The following ZSWIM6 variants were observed in gnomAD, a reference collection of about 807,000 sequenced individuals.
ZSWIM6 encodes the protein zinc finger SWIM domain-containing protein 6.
A neutral mutation model predicts 113.2 loss-of-function variants in ZSWIM6; 9 were observed. That is an observed-to-expected ratio of 0.08 (90% CI 0.05 to 0.14). ZSWIM6 has a LOEUF of 0.14. ZSWIM6 is among the 10% of genes least tolerant of loss of function. The pLI, the probability that ZSWIM6 is intolerant of heterozygous loss-of-function variation, is 1.00. For missense variants in ZSWIM6, 1,162 were observed against 1,552.2 expected (o/e 0.75, Z 4.22); for synonymous variants, 611 against 606.5 (o/e 1.01, Z -0.11).
intron 1 of ZSWIM6, among the ~76,000 whole-genome samples, chr5:61,426,997 C>CT: frequency 6.6e-6 from 1 of 152,070 alleles, no homozygotes; most frequent in Non-Finnish European, 1.5e-5. Context: ...TGTAGTTACT[C>CT]TTTTTTCTCT....
At chr5:61,421,426 G>T (rs1402347404) in intron 1 of ZSWIM6, among the ~76,000 whole-genome samples, 1 of 152,128 alleles carries the variant, frequency 6.6e-6, no homozygotes, top group Non-Finnish European at 1.5e-5. Flanking sequence ...TCATGTTGTT[G>T]CACATGATAG....
chr5:61,493,449 G>A (rs1405706432), intron 3 of ZSWIM6, among the ~76,000 whole-genome samples: 1 of 152,066 alleles, frequency 6.6e-6, no homozygotes, highest in African/African-American at 2.4e-5. Context: ...TCTCAACAAA[G>A]CTGTTCCTAA....
At chr5:61,377,947 TA>T (rs1430317508) in intron 1 of ZSWIM6, among the ~76,000 whole-genome samples, 1 of 152,170 alleles carries the variant, frequency 6.6e-6, no homozygotes, top group African/African-American at 2.4e-5. Context: ...AAATGAAAAT[TA>T]AAACTACACC....
At chr5:61,515,913 C>T (rs902385623) in intron 4 of ZSWIM6, among the ~76,000 whole-genome samples, 1 of 152,026 alleles carries the variant, frequency 6.6e-6, no homozygotes, top group African/African-American at 2.4e-5. Context: ...TGTAATGCCC[C>T]TCTTTATACC....
chr5:61,382,498 T>G (rs944843257), intron 1 of ZSWIM6, among the ~76,000 whole-genome samples: 2 of 152,170 alleles, frequency 1.3e-5, no homozygotes, highest in Non-Finnish European at 2.9e-5. Context: ...TCGTGATGCC[T>G]TATGTGTAGA....
At chr5:61,381,596 A>G (rs1341984115) in intron 1 of ZSWIM6, among the ~76,000 whole-genome samples, 2 of 152,180 alleles carry the variant, frequency 1.3e-5, no homozygotes, top group African/African-American at 4.8e-5. Flanking sequence ...GCAGTTGTCC[A>G]TAGTTTTTTT....
chr5:61,394,546 G>A (rs1486474000), intron 1 of ZSWIM6, among the ~76,000 whole-genome samples: 2 of 152,212 alleles, frequency 1.3e-5, no homozygotes, highest in Admixed American at 6.5e-5. Context: ...GGGGCTCACT[G>A]GGTGGAAAGT....
chr5:61,488,699 C>T (rs1161597845), intron 2 of ZSWIM6, among the ~76,000 whole-genome samples: 1 of 151,706 alleles, frequency 6.6e-6, no homozygotes, highest in Non-Finnish European at 1.5e-5. Flanking sequence ...TCTTCTCTCT[C>T]CTTTTCTTGG....
chr5:61,434,486 C>T (rs1746660264), intron 1 of ZSWIM6, among the ~76,000 whole-genome samples: 1 of 150,694 alleles, frequency 6.6e-6, no homozygotes, highest in African/African-American at 2.4e-5. Flanking sequence ...TCCCTTATAT[C>T]ATTCTTATGC....
chr5:61,386,145 C>T (rs766923342), intron 1 of ZSWIM6, among the ~76,000 whole-genome samples: 1 of 152,224 alleles, frequency 6.6e-6, no homozygotes, highest in Non-Finnish European at 1.5e-5. Flanking sequence ...TGCATACATT[C>T]CAAATTGATG....
chr5:61,379,049 T>C (rs1745426842), intron 1 of ZSWIM6, among the ~76,000 whole-genome samples: 1 of 151,532 alleles, frequency 6.6e-6, no homozygotes. Flanking sequence ...GGTGTCGTGG[T>C]GCGTGCCTAT....
At chr5:61,417,886 A>G (rs1013609637) in intron 1 of ZSWIM6, among the ~76,000 whole-genome samples, 1 of 152,232 alleles carries the variant, frequency 6.6e-6, no homozygotes, top group African/African-American at 2.4e-5. Flanking sequence ...AAGCTTCAAG[A>G]AAGACCTTGA....
intron 4 of ZSWIM6, among the ~76,000 whole-genome samples, chr5:61,519,932 A>G (rs527346466): frequency 1.3e-5 from 2 of 152,212 alleles, no homozygotes; most frequent in East Asian, 1.9e-4. Context: ...GCATTTCACA[A>G]TAGTATTTGT....
At position 61,413,846 on chromosome 5, in the gene ZSWIM6, C is replaced by T. The variant is rs1473271965; in HGVS notation, c.677-58835C>T. ...CTTTTGAGAAGTATCTGTTCATATC[C>T]TTTGCCCACTTTTTGATGGGGTTGT... On this transcript the variant is annotated intron_variant, in intron 1 of 13. Coordinates refer to ENST00000252744, the MANE Select transcript of ZSWIM6 (RefSeq NM_020928.2). 2.7e-5 allele frequency among the ~76,000 whole-genome samples: 4 copies of T among 149,954 alleles called. No individual in the cohort carries two copies. In the East Asian group the frequency reaches 5.9e-4, roughly 22 times the overall value.
rs372137249 is a variant in ZSWIM6 at position 61,517,334 on chromosome 5, T to G, written c.1334-3929T>G. ...ATTTATGCCTAGTTGTTTTTCTCTC[T>G]TTTCTTCAGTTGAGATCATTTCTAG... On this transcript the variant is annotated intron_variant, in intron 4 of 13. Transcript: ENST00000252744. 1.2e-4 allele frequency among the ~76,000 whole-genome samples: 19 copies of G among 152,286 alleles called. No individual in the cohort carries two copies. In the East Asian group the frequency reaches 3.3e-3, roughly 26 times the overall value.
chr5:61,430,086 T>C (rs1418511813), intron 1 of ZSWIM6, among the ~76,000 whole-genome samples: 1 of 152,100 alleles, frequency 6.6e-6, no homozygotes, highest in Non-Finnish European at 1.5e-5. Context: ...AAAGGAGGCC[T>C]TTGTGGTTTG....
intron 4 of ZSWIM6, among the ~76,000 whole-genome samples, chr5:61,513,766 G>A (rs968723549): frequency 1.3e-4 from 19 of 151,930 alleles, no homozygotes; most frequent in African/African-American, 4.6e-4. Flanking sequence ...ACCTTGAATT[G>A]ACTATATTTG....
intron 1 of ZSWIM6, among the ~76,000 whole-genome samples, chr5:61,452,522 T>TA (rs1747105740): frequency 6.6e-6 from 1 of 152,212 alleles, no homozygotes; most frequent in African/African-American, 2.4e-5. Context: ...GTTTGTGGCT[T>TA]AGATGTTTGT....
intron 1 of ZSWIM6, among the ~76,000 whole-genome samples, chr5:61,393,209 T>A (rs1745766510): frequency 6.8e-6 from 1 of 147,144 alleles, no homozygotes; most frequent in Non-Finnish European, 1.5e-5. Flanking sequence ...CCCGACTAAT[T>A]TTTTTTTTTT....
Sources: gnomAD v4.1 joint callset for allele counts (sites outside exome capture counted in the v4.1 genomes callset) on GRCh38, gnomAD v4.1.1 for gene constraint, MANE v1.5 for transcripts, NCBI Gene and HGNC (gene_info 2026-07-23, HGNC 2026-07-21) for gene names.